The following MEIS1 variants were observed in gnomAD, a reference collection of about 807,000 sequenced individuals.
MEIS1 encodes the protein homeobox protein Meis1.
MEIS1 carries 5 observed loss-of-function variants against 50.8 expected under a neutral mutation model. That is an observed-to-expected ratio of 0.10 (90% CI 0.05 to 0.21). The LOEUF (loss-of-function observed/expected upper bound fraction) is 0.21. Among genes scored for constraint, MEIS1 ranks in the 10% least tolerant of loss-of-function variants. MEIS1 has a pLI of 1.00. For missense variants in MEIS1, 318 were observed against 517.3 expected (o/e 0.61, Z 3.74); for synonymous variants, 176 against 179.3 (o/e 0.98, Z 0.15).
intron 7 of MEIS1, among the ~76,000 whole-genome samples, chr2:66,475,184 A>G (rs1028625323): frequency 2.0e-5 from 3 of 147,472 alleles, no homozygotes; most frequent in African/African-American, 7.4e-5. Flanking sequence ...TATAAATATA[A>G]AATATAAATA....
At chr2:66,542,532 A>G (rs138834575) in intron 8 of MEIS1, among the ~76,000 whole-genome samples, 2 of 152,318 alleles carry the variant, frequency 1.3e-5, no homozygotes, top group African/African-American at 4.8e-5. Flanking sequence ...ACCTATTCCC[A>G]TACCTTTTAA....
chr2:66,439,516 C>A, intron 2 of MEIS1: 1 of 1,477,220 alleles, frequency 6.8e-7, no homozygotes, highest in South Asian at 1.3e-5. Context: ...GAGGGCTTGT[C>A]GGGTGGGAAA....
intron 7 of MEIS1, among the ~76,000 whole-genome samples, chr2:66,505,399 C>G (rs1364309613): frequency 6.6e-6 from 1 of 151,978 alleles, no homozygotes; most frequent in East Asian, 1.9e-4. Context: ...GAGTGAAACA[C>G]TGTCTCTTAA....
At chr2:66,511,789 C>T (rs1401297284) in intron 7 of MEIS1, among the ~76,000 whole-genome samples, 1 of 152,192 alleles carries the variant, frequency 6.6e-6, no homozygotes, top group African/African-American at 2.4e-5. Flanking sequence ...CATAGCGCCA[C>T]AGCTAATGAC....
At chr2:66,487,160 C>T (rs1673163033) in intron 7 of MEIS1, among the ~76,000 whole-genome samples, 1 of 152,138 alleles carries the variant, frequency 6.6e-6, no homozygotes, top group Non-Finnish European at 1.5e-5. Context: ...AGAGGGCATC[C>T]TTGAAAAATA....
At chr2:66,484,477 A>C (rs1171922822) in intron 7 of MEIS1, among the ~76,000 whole-genome samples, 1 of 152,088 alleles carries the variant, frequency 6.6e-6, no homozygotes, top group Non-Finnish European at 1.5e-5. Flanking sequence ...TTCTCAAGGG[A>C]TTATAGGTGG....
At chr2:66,496,987 T>C (rs529384267) in intron 7 of MEIS1, among the ~76,000 whole-genome samples, 1 of 152,326 alleles carries the variant, frequency 6.6e-6, no homozygotes, top group Non-Finnish European at 1.5e-5. Flanking sequence ...TACACTCACA[T>C]GCTACTCTGA....
rs189315136 is a variant in MEIS1, at chr2:66,501,564, T to C, written c.743-10585T>C. Among the ~76,000 whole-genome samples the C allele has an allele frequency of 3.2e-3, 482 of 152,012 alleles. 2 individuals carry two copies. The highest frequency in any genetic ancestry group is 5.2e-3 in the Non-Finnish European group (355 of 67,948). The stretch of plus-strand genomic sequence containing the variant: ...GTGTAGGCAACCAATTTGCTGTTGT[T>C]CCCCTGAGGGGAATTCAAGTCAAAA... On this transcript the variant is annotated intron_variant, in intron 7 of 12. Coordinates refer to ENST00000272369, the MANE Select transcript of MEIS1 (RefSeq NM_002398.3).
At chr2:66,442,395 T>A (rs560529513) in intron 5 of MEIS1, among the ~76,000 whole-genome samples, 1 of 151,946 alleles carries the variant, frequency 6.6e-6, no homozygotes, top group Admixed American at 6.6e-5. Context: ...TTTTCTAAAA[T>A]ATACCCCTTA....
At chr2:66,538,275 A>G (rs529796828) in intron 8 of MEIS1, among the ~76,000 whole-genome samples, 1 of 152,338 alleles carries the variant, frequency 6.6e-6, no homozygotes, top group African/African-American at 2.4e-5. Flanking sequence ...ACTTGCCAGT[A>G]AATTAGATTC....
intron 8 of MEIS1, 114 bp downstream of exon 8, chr2:66,512,408 T>C (rs1277986536): frequency 3.2e-6 from 4 of 1,238,672 alleles, no homozygotes; most frequent in Admixed American, 7.1e-5. Context: ...AATAAATAAC[T>C]GTGTTCCCAC....
chr2:66,476,885 A>C (rs1672905788), intron 7 of MEIS1, among the ~76,000 whole-genome samples: 1 of 152,020 alleles, frequency 6.6e-6, no homozygotes, highest in Non-Finnish European at 1.5e-5. Context: ...AGAGATGGAG[A>C]AGAGGGGCAT....
Position 66,512,174 on chromosome 2 carries a change from T to G in MEIS1, c.768T>G (p.Ala256=), listed in dbSNP as rs1301727779. The change falls in exon 8 of 13, where the codon GCT becomes GCG. Residue 256 remains alanine (A), a synonymous_variant. Transcript: ENST00000272369. ...GTGATGGCTTGGACAACAGTGTAGC[T>G]TCCCCCAGCACAGGTGACGATGATG... is the stretch of plus-strand genomic sequence containing the variant. The part of the protein sequence containing the change: ...EQGDGLDNSV[A]SPSTGDDDDP... The G allele has an allele frequency of 5.0e-6, 8 of 1,600,378 alleles. No individual in the cohort carries two copies. Among genetic ancestry groups the G allele is most frequent in the South Asian group, 3.4e-5 (3 of 88,192 alleles).
At chr2:66,451,735 T>G (rs911519343) in intron 6 of MEIS1, among the ~76,000 whole-genome samples, 1 of 152,044 alleles carries the variant, frequency 6.6e-6, no homozygotes, top group Non-Finnish European at 1.5e-5. Flanking sequence ...TCTAAAGGCA[T>G]ACTTACACTA....
At chr2:66,562,052 T>TTTTTTTTTTTTTTTTTTG in intron 9 of MEIS1, 1 of 136,650 alleles carries the variant, frequency 7.3e-6, no homozygotes, top group Non-Finnish European at 1.6e-5. Context: ...TTTTTTTTTT[T>TTTTTTTTTTTTTTTTTTG]TTTTTTTTTT....
At chr2:66,469,933 T>TAAA (rs61373145) in intron 7 of MEIS1, among the ~76,000 whole-genome samples, 3,955 of 148,550 alleles carry the variant, frequency 0.027, 161 homozygotes, top group African/African-American at 0.084. Context: ...CAATTTTCTT[T>TAAA]AAAAAAAAAA....
chr2:66,493,265 C>G (rs1673317379), intron 7 of MEIS1, among the ~76,000 whole-genome samples: 1 of 152,152 alleles, frequency 6.6e-6, no homozygotes, highest in Non-Finnish European at 1.5e-5. Context: ...GTTCAAGCCC[C>G]TTCTCATTTC....
chr2:66,468,242 C>T (rs1672685849), intron 7 of MEIS1, among the ~76,000 whole-genome samples: 1 of 152,112 alleles, frequency 6.6e-6, no homozygotes, highest in South Asian at 2.1e-4. Context: ...ATAATCAGAG[C>T]CTACTCTAGG....
intron 8 of MEIS1, among the ~76,000 whole-genome samples, chr2:66,539,824 C>T (rs545888756): frequency 6.6e-6 from 1 of 152,244 alleles, no homozygotes; most frequent in East Asian, 1.9e-4. Context: ...CCCTGACAGC[C>T]CCCTCCCCTC....
Sources: gnomAD v4.1 joint callset for allele counts (sites outside exome capture counted in the v4.1 genomes callset) on GRCh38, gnomAD v4.1.1 for gene constraint, MANE v1.5 for transcripts, NCBI Gene and HGNC (gene_info 2026-07-23, HGNC 2026-07-21) for gene names.